Variants in TMEM131 observed in about 807,000 individuals in gnomAD.
The protein encoded by TMEM131 is transmembrane protein 131, also known as 2610524E03Rik.
TMEM131 carries 66 observed loss-of-function variants against 211.6 expected under a neutral mutation model. That is an observed-to-expected ratio of 0.31 (90% confidence interval 0.26 to 0.38). The LOEUF (loss-of-function observed/expected upper bound fraction) is 0.38, where lower values mean the gene tolerates loss of function less well. TMEM131 is among the 10% of genes least tolerant of loss of function. The pLI is 1.00. For synonymous variants in TMEM131, 844 were observed against 841.3 expected (o/e 1.00, Z -0.06); for missense variants, 2,036 against 2,299.3 (o/e 0.89, Z 2.34).
intron 1 of TMEM131, among the ~76,000 whole-genome samples, chr2:97,943,685 C>A (rs952441593): frequency 1.3e-5 from 2 of 152,150 alleles, no homozygotes; most frequent in Non-Finnish European, 2.9e-5. Context: ...ATAGCCAAAA[C>A]AGTTTTGAAA....
At chr2:97,935,288 C>G (rs1021675875) in intron 1 of TMEM131, among the ~76,000 whole-genome samples, 12 of 152,096 alleles carry the variant, frequency 7.9e-5, no homozygotes, top group Admixed American at 3.9e-4. Flanking sequence ...ATCAAAAGAT[C>G]AACATCCTGG....
At chr2:97,762,267 G>C (rs1396760313) in intron 35 of TMEM131, 67 bp from the exon 36 acceptor site, 1 of 1,508,640 alleles carries the variant, frequency 6.6e-7, no homozygotes, top group African/African-American at 1.4e-5. Context: ...AAATCACTTT[G>C]AATGTTCTCT....
intron 1 of TMEM131, among the ~76,000 whole-genome samples, chr2:97,949,650 GA>G (rs947168166): frequency 4.8e-5 from 7 of 146,544 alleles, no homozygotes; most frequent in African/African-American, 1.3e-4. Flanking sequence ...CGTCTCTACT[GA>G]AAAAAAAAAT....
chr2:97,813,716 T>C (rs953039034), intron 15 of TMEM131, among the ~76,000 whole-genome samples: 5 of 152,200 alleles, frequency 3.3e-5, no homozygotes, highest in African/African-American at 1.2e-4. Context: ...TTTAAAAGCA[T>C]ATCCAAGAGA....
intron 11 of TMEM131, among the ~76,000 whole-genome samples, chr2:97,819,235 C>A (rs537895229): frequency 3.3e-5 from 5 of 152,306 alleles, no homozygotes; most frequent in African/African-American, 9.6e-5. Flanking sequence ...GCGAGTGAGG[C>A]ATGCTGCTAT....
chr2:97,949,991 T>G (rs1319437107), intron 1 of TMEM131, among the ~76,000 whole-genome samples: 1 of 152,148 alleles, frequency 6.6e-6, no homozygotes, highest in Non-Finnish European at 1.5e-5. Flanking sequence ...TTATTTCTTG[T>G]ACCTGCAAAC....
At chr2:97,970,107 A>C (rs1037144403) in intron 1 of TMEM131, among the ~76,000 whole-genome samples, 2 of 152,254 alleles carry the variant, frequency 1.3e-5, no homozygotes, top group Non-Finnish European at 2.9e-5. Flanking sequence ...ACACATCTTA[A>C]GGTGTATCCA....
chr2:97,830,929 T>C (rs1328129809), intron 11 of TMEM131, among the ~76,000 whole-genome samples: 2 of 152,246 alleles, frequency 1.3e-5, no homozygotes, highest in East Asian at 1.9e-4. Context: ...GAAAATTCTA[T>C]GTTTGTGAAA....
intron 25 of TMEM131, among the ~76,000 whole-genome samples, chr2:97,798,046 A>G (rs768663699): frequency 3.3e-5 from 5 of 152,226 alleles, no homozygotes; most frequent in Non-Finnish European, 7.3e-5. Context: ...TTCAGGCTGC[A>G]CCGAATGTTT....
chr2:97,783,200 C>T (rs1264858829), intron 31 of TMEM131, among the ~76,000 whole-genome samples: 2 of 151,992 alleles, frequency 1.3e-5, no homozygotes, highest in Admixed American at 6.5e-5. Flanking sequence ...AGTGTCATTC[C>T]AGAATCCTAT....
chr2:97,856,448 G>A (rs1673850409), intron 5 of TMEM131, among the ~76,000 whole-genome samples: 1 of 152,128 alleles, frequency 6.6e-6, no homozygotes, highest in Non-Finnish European at 1.5e-5. Flanking sequence ...GCATGTGCGT[G>A]TTAAAATATA....
Position 97,902,085 on chromosome 2 carries a change from TA to T in TMEM131, c.290+6572del, listed in dbSNP as rs889657744. On this transcript the variant is annotated intron_variant, in intron 3 of 40. Transcript: ENST00000186436. ...CCCATCAATATGTATTATGCAATAA[TA>T]AAAAAAAATTTTAAAGTAGAGTAAA... 1.8e-3 allele frequency among the ~76,000 whole-genome samples: 262 copies of T among 149,358 alleles called. 2 individuals are homozygous for T. Among genetic ancestry groups the T allele is most frequent in the African/African-American group, 6.1e-3 (246 of 40,564 alleles).
At chr2:97,793,035 A>G in intron 30 of TMEM131, 51 bp from the exon 31 acceptor site, 1 of 1,326,172 alleles carries the variant, frequency 7.5e-7, no homozygotes, top group Non-Finnish European at 1.0e-6. Flanking sequence ...ACAAAATCTA[A>G]TATTAAAAAA....
intron 1 of TMEM131, among the ~76,000 whole-genome samples, chr2:97,943,336 A>G (rs1437330169): frequency 2.0e-5 from 3 of 152,224 alleles, no homozygotes; most frequent in African/African-American, 4.8e-5. Context: ...ACCCTGATAC[A>G]TAAATCAGAC....
chr2:97,801,900 T>C lies in TMEM131; in HGVS notation c.2713A>G (p.Asn905Asp). 1 of 1,606,268 alleles carries C rather than the reference T, an allele frequency of 6.2e-7. No individual in the cohort carries two copies. The highest frequency in any genetic ancestry group is 2.2e-5 in the East Asian group (1 of 44,530). The change falls in exon 25 of 41, where the codon AAC (asparagine) becomes GAC (aspartate). Residue 905 changes from asparagine (N) to aspartate (D), a missense_variant. This residue lies in a region of TMEM131 where 1,623 missense variants were observed against 1,805.9 expected (regional missense o/e 0.90). Coordinates refer to ENST00000186436, the MANE Select transcript of TMEM131 (RefSeq NM_015348.2). ...TATGAAGTTTGAATACTTACACTGT[T>C]TCTGAAGACTTGAAATTCTAGTGTT... Reference protein sequence around the residue: ...LRTLEFQVFRNSAHPLQSSTG... With the variant: ...LRTLEFQVFRDSAHPLQSSTG...
intron 40 of TMEM131, among the ~76,000 whole-genome samples, chr2:97,758,644 A>G (rs1233795885): frequency 1.3e-5 from 2 of 152,260 alleles, no homozygotes; most frequent in Non-Finnish European, 2.9e-5. Flanking sequence ...GGGACTCCAG[A>G]GACCAACCCC....
At chr2:97,831,714 G>A (rs1682700532) in intron 11 of TMEM131, among the ~76,000 whole-genome samples, 1 of 120,044 alleles carries the variant, frequency 8.3e-6, no homozygotes, top group Non-Finnish European at 1.6e-5. Context: ...CTGTTGCCCA[G>A]GCTGGAGCAC....
At chr2:97,839,169 T>A (rs1170992301) in intron 7 of TMEM131, among the ~76,000 whole-genome samples, 1 of 151,834 alleles carries the variant, frequency 6.6e-6, no homozygotes, top group Non-Finnish European at 1.5e-5. Context: ...TACAAAAAAA[T>A]AAAAAACATT....
At chr2:97,913,495 G>C (rs1204576818) in intron 2 of TMEM131, among the ~76,000 whole-genome samples, 1 of 152,142 alleles carries the variant, frequency 6.6e-6, no homozygotes. Context: ...GTAAGAGTTA[G>C]AATTCAAATC....
Sources: allele counts gnomAD v4.1 joint callset (sites outside exome capture counted in the v4.1 genomes callset), GRCh38; gene constraint gnomAD v4.1.1; regional missense constraint gnomAD v4.1.1; transcripts MANE v1.5; gene names NCBI Gene and HGNC (gene_info 2026-07-23, HGNC 2026-07-21).